KYNU: variants seen among roughly 807,000 people sequenced by gnomAD.
The protein encoded by KYNU is kynureninase.
Under a neutral mutation model 59.2 loss-of-function variants are expected in KYNU, and 54 were observed. That is an observed-to-expected ratio of 0.91 (90% CI 0.73 to 1.14). The LOEUF (loss-of-function observed/expected upper bound fraction) is 1.14. Among genes scored for constraint, KYNU ranks in the 50% most tolerant of loss-of-function variants. KYNU has a pLI of 0.00. For missense variants in KYNU, 567 were observed against 554.4 expected (o/e 1.02, Z -0.23); for synonymous variants, 177 against 192.0 (o/e 0.92, Z 0.65).
chr2:143,032,711 T>TTGTGTGTGCGTGTGTGTGTGTG (rs1686787796), intron 11 of KYNU, among the ~76,000 whole-genome samples: 1 of 129,370 alleles, frequency 7.7e-6, no homozygotes, highest in Non-Finnish European at 1.6e-5. Flanking sequence ...GCTCCCTCTA[T>TTGTGTGTGCGTGTGTGTGTGTG]TGTGTGTGTG....
At chr2:143,016,256 C>T (rs571463960) in intron 10 of KYNU, among the ~76,000 whole-genome samples, 1 of 152,286 alleles carries the variant, frequency 6.6e-6, no homozygotes, top group East Asian at 1.9e-4. Context: ...TTATGTACTT[C>T]ACCTCTGAGG....
At position 143,053,733 on chromosome 2, in the gene KYNU, T is replaced by C. The variant is rs1687307184; in HGVS notation, c.*11561T>C. The C allele has an allele frequency of 6.6e-6, 1 of 152,578 alleles. No homozygotes were observed. Among genetic ancestry groups the C allele is most frequent in the African/African-American group, 2.4e-5 (1 of 41,456 alleles). The allele number at this position is 152,578 out of a possible 1,614,324, so 9.5% of individuals were successfully genotyped here. A position where few individuals can be genotyped will look rare whatever the true frequency, so the allele number is the denominator to read the frequency against. On this transcript the variant is annotated 3_prime_UTR_variant, in exon 14 of 14. Coordinates refer to ENST00000264170, the MANE Select transcript of KYNU (RefSeq NM_003937.3). ...TGAGGCCTCCCTGGCCATGTGGAAC[T>C]GTGAGTCCATTAAACCTCTTTCTTT... is the stretch of plus-strand genomic sequence containing the variant.
At chr2:142,951,106 A>G (rs980108261) in intron 4 of KYNU, among the ~76,000 whole-genome samples, 7 of 152,236 alleles carry the variant, frequency 4.6e-5, no homozygotes, top group African/African-American at 7.2e-5. Flanking sequence ...AAGATCATTG[A>G]TCACGGAAAT....
chr2:142,957,809 T>G, intron 7 of KYNU, 94 bp downstream of exon 7: 1 of 792,070 alleles, frequency 1.3e-6, no homozygotes, highest in Non-Finnish European at 2.2e-6. Flanking sequence ...CTTCATTACT[T>G]TAATGGAACT....
At chr2:142,928,515 C>G (rs1481903549) in intron 4 of KYNU, among the ~76,000 whole-genome samples, 1 of 152,054 alleles carries the variant, frequency 6.6e-6, no homozygotes, top group Non-Finnish European at 1.5e-5. Context: ...TTGCTTCATT[C>G]CATTTGAATC....
chr2:143,032,307 C>G (rs6709334), intron 11 of KYNU, among the ~76,000 whole-genome samples: 2 of 149,368 alleles, frequency 1.3e-5, no homozygotes, highest in Non-Finnish European at 1.5e-5. Context: ...AAAAACAAAA[C>G]AAAAAAAACT....
intron 6 of KYNU, among the ~76,000 whole-genome samples, chr2:142,956,942 AGAACAGCCTGG>A (rs1684183621): frequency 6.6e-6 from 1 of 152,168 alleles, no homozygotes; most frequent in South Asian, 2.1e-4. Flanking sequence ...CAGGAGTCTG[AGAACAGCCTGG>A]GCAATATAGT....
At chr2:142,956,123 T>A (rs1236822394) in intron 5 of KYNU, 80 bp from the exon 6 acceptor site, 15 of 799,606 alleles carry the variant, frequency 1.9e-5, no homozygotes, top group Admixed American at 4.0e-5. Flanking sequence ...CTGGAGATTA[T>A]AAAATGATAG....
At chr2:142,964,726 T>A (rs1684474336) in intron 8 of KYNU, 1 of 152,182 alleles carries the variant, frequency 6.6e-6, no homozygotes. Flanking sequence ...GAAAACTAAT[T>A]AATAAAAAGA....
At chr2:142,986,969 G>T (rs1303284585) in intron 10 of KYNU, among the ~76,000 whole-genome samples, 1 of 151,620 alleles carries the variant, frequency 6.6e-6, no homozygotes, top group Non-Finnish European at 1.5e-5. Flanking sequence ...CTTTAATTGT[G>T]TCTAAATTTT....
chr2:143,028,455 G>T (rs1686642580), intron 10 of KYNU, among the ~76,000 whole-genome samples: 2 of 149,296 alleles, frequency 1.3e-5, no homozygotes, highest in African/African-American at 4.9e-5. Context: ...TGTTGGTCAG[G>T]CTGGTCTCAA....
intron 11 of KYNU, among the ~76,000 whole-genome samples, chr2:143,032,343 G>A (rs1164481777): frequency 6.6e-6 from 1 of 151,188 alleles, no homozygotes; most frequent in Non-Finnish European, 1.5e-5. Context: ...ATCAGATCTT[G>A]TGAGAACTCC....
chr2:142,919,846 T>C (rs979537634), intron 3 of KYNU, among the ~76,000 whole-genome samples: 2 of 152,130 alleles, frequency 1.3e-5, no homozygotes, highest in African/African-American at 2.4e-5. Context: ...CTGACATGGA[T>C]GGATCTCCTA....
rs1687088046 is a variant in KYNU, at chr2:143,042,606, A to ATGTG, written c.*435_*436insGTGT. On this transcript the variant is annotated 3_prime_UTR_variant, in exon 14 of 14. Coordinates refer to ENST00000264170, the MANE Select transcript of KYNU (RefSeq NM_003937.3). The stretch of plus-strand genomic sequence containing the variant: ...CTGATATATATATATATATATATAT[A>ATGTG]TATATATATATATATATATATATAT... 1.8e-4 allele frequency: 2 copies of ATGTG among 10,914 alleles called. No homozygotes were observed. Among genetic ancestry groups the ATGTG allele is most frequent in the South Asian group, 6.3e-3 (2 of 316 alleles). The allele number at this position is 10,914 out of a possible 1,614,324, so 0.7% of individuals were successfully genotyped here. A position where few individuals can be genotyped will look rare whatever the true frequency, so the allele number is the denominator to read the frequency against.
At chr2:142,900,169 G>A (rs1682026313) in intron 2 of KYNU, among the ~76,000 whole-genome samples, 1 of 152,218 alleles carries the variant, frequency 6.6e-6, no homozygotes, top group South Asian at 2.1e-4. Flanking sequence ...AGCCGTGCAG[G>A]AACAATGGCA....
intron 10 of KYNU, among the ~76,000 whole-genome samples, chr2:143,014,237 T>G (rs973347077): frequency 6.6e-6 from 1 of 152,222 alleles, no homozygotes; most frequent in East Asian, 1.9e-4. Context: ...CTCAAACATA[T>G]GTGGAGTTCC....
chr2:142,909,212 A>C (rs1682401188), intron 2 of KYNU, among the ~76,000 whole-genome samples: 2 of 152,104 alleles, frequency 1.3e-5, no homozygotes, highest in Non-Finnish European at 2.9e-5. Context: ...TTTGTAGAAG[A>C]TATAAGCCTT....
rs577172827 is a variant in KYNU at position 142,903,888 on chromosome 2, A to G, written c.170-14721A>G. Among the ~76,000 whole-genome samples, 13 of 152,252 alleles carry G rather than the reference A, an allele frequency of 8.5e-5. No homozygotes were observed. In the South Asian group the frequency reaches 1.9e-3, roughly 22 times the overall value. ...GGAAGCAAGCCCTATTAGGCATTCA[A>G]TTTGTCCAGACTTTCCCTGTTCCAG... On this transcript the variant is annotated intron_variant, in intron 2 of 13. Coordinates refer to ENST00000264170, the MANE Select transcript of KYNU (RefSeq NM_003937.3).
intron 8 of KYNU, among the ~76,000 whole-genome samples, chr2:142,980,434 C>T (rs1487423064): frequency 1.3e-5 from 2 of 152,044 alleles, no homozygotes; most frequent in African/African-American, 4.8e-5. Context: ...AGGAATGCAG[C>T]CCAGCAGGTC....
Sources: gnomAD v4.1 joint callset for allele counts (sites outside exome capture counted in the v4.1 genomes callset) on GRCh38, gnomAD v4.1.1 for gene constraint, MANE v1.5 for transcripts, NCBI Gene and HGNC (gene_info 2026-07-23, HGNC 2026-07-21) for gene names.